TRAF3: variants seen among roughly 807,000 people sequenced by gnomAD.
TRAF3 encodes the protein TNF receptor-associated factor 3.
Under a neutral mutation model 62.3 loss-of-function variants are expected in TRAF3, and 13 were observed. The ratio of observed to expected loss-of-function variants is 0.21; its 90% CI spans 0.14 to 0.33. The LOEUF (loss-of-function observed/expected upper bound fraction) is 0.33, where lower values mean the gene tolerates loss of function less well. TRAF3 is among the 10% of genes least tolerant of loss of function. The pLI is 1.00. For missense variants in TRAF3, 440 were observed against 741.8 expected (o/e 0.59, Z 4.73); for synonymous variants, 269 against 283.4 (o/e 0.95, Z 0.51).
intron 2 of TRAF3, among the ~76,000 whole-genome samples, chr14:102,861,867 G>A (rs563211851): frequency 1.4e-4 from 21 of 152,310 alleles, no homozygotes; most frequent in Admixed American, 9.8e-4. Context: ...CGTTTATACA[G>A]ATCCTTTGCT....
At chr14:102,894,954 A>C (rs1335690915) in intron 9 of TRAF3, 5 of 365,612 alleles carry the variant, frequency 1.4e-5, no homozygotes, top group African/African-American at 6.4e-5. Flanking sequence ...CGTCTGCCTC[A>C]GCCTTCCAAA....
chr14:102,889,230 T>C (rs1566799989), intron 7 of TRAF3, among the ~76,000 whole-genome samples: 2 of 152,278 alleles, frequency 1.3e-5, no homozygotes, highest in Admixed American at 1.3e-4. Context: ...TTATGGTCTT[T>C]AAATGTGCAT....
intron 2 of TRAF3, among the ~76,000 whole-genome samples, chr14:102,842,540 G>A (rs906789360): frequency 2.0e-5 from 3 of 152,028 alleles, no homozygotes; most frequent in African/African-American, 7.2e-5. Context: ...GTTCCAGAAG[G>A]AGAAGAGGAG....
At chr14:102,862,063 A>C (rs1030422517) in intron 2 of TRAF3, among the ~76,000 whole-genome samples, 2 of 152,162 alleles carry the variant, frequency 1.3e-5, no homozygotes, top group African/African-American at 4.8e-5. Flanking sequence ...AATGAAGTTC[A>C]GTTTATCTAG....
At chr14:102,803,790 TTC>T (rs1363704877) in intron 1 of TRAF3, among the ~76,000 whole-genome samples, 1 of 152,166 alleles carries the variant, frequency 6.6e-6, no homozygotes, top group African/African-American at 2.4e-5. Flanking sequence ...GGTTTCTGAT[TTC>T]TCTCAGCCCA....
intron 6 of TRAF3, among the ~76,000 whole-genome samples, chr14:102,884,718 A>G (rs1257233537): frequency 6.6e-6 from 1 of 152,022 alleles, no homozygotes; most frequent in Non-Finnish European, 1.5e-5. Context: ...AGGCTGAGGC[A>G]GGAGAATTGC....
chr14:102,870,110 T>G (rs931221081), intron 2 of TRAF3, 75 bp from the exon 3 acceptor site: 5 of 1,604,722 alleles, frequency 3.1e-6, no homozygotes, highest in Non-Finnish European at 4.3e-6. Flanking sequence ...TCTCAGGCAC[T>G]TTTGCTTTCC....
At chr14:102,876,676 A>G (rs776988895) in intron 6 of TRAF3, 151 bp downstream of exon 6, 53 of 1,078,446 alleles carry the variant, frequency 4.9e-5, no homozygotes, top group Non-Finnish European at 7.0e-5. Flanking sequence ...CAGTTCATAG[A>G]TATTCCGTTC....
At chr14:102,862,877 C>G (rs1176258003) in intron 2 of TRAF3, among the ~76,000 whole-genome samples, 1 of 152,084 alleles carries the variant, frequency 6.6e-6, no homozygotes, top group Non-Finnish European at 1.5e-5. Flanking sequence ...CTGTTTATTT[C>G]TGCTGTTGAG....
At chr14:102,792,744 G>A (rs980272915) in intron 1 of TRAF3, among the ~76,000 whole-genome samples, 2 of 152,030 alleles carry the variant, frequency 1.3e-5, no homozygotes. Flanking sequence ...CTTTGTCATG[G>A]TATATAATCC....
chr14:102,784,873 G>A (rs911289409), intron 1 of TRAF3, among the ~76,000 whole-genome samples: 5 of 152,122 alleles, frequency 3.3e-5, no homozygotes, highest in Admixed American at 6.5e-5. Context: ...GCAGGGAGTC[G>A]CCTGGCAGAG....
intron 2 of TRAF3, among the ~76,000 whole-genome samples, chr14:102,843,132 G>A (rs562084678): frequency 1.4e-3 from 205 of 151,664 alleles, no homozygotes; most frequent in African/African-American, 4.7e-3. Context: ...GAACCCGGGA[G>A]GCAGAGGTTG....
intron 1 of TRAF3, among the ~76,000 whole-genome samples, chr14:102,780,858 G>A (rs1436548753): frequency 1.3e-5 from 2 of 152,174 alleles, no homozygotes; most frequent in East Asian, 1.9e-4. Flanking sequence ...CACAGTGAAG[G>A]GACATGCCAG....
chr14:102,808,061 G>T (rs560284663), intron 1 of TRAF3, among the ~76,000 whole-genome samples: 1 of 152,296 alleles, frequency 6.6e-6, no homozygotes, highest in East Asian at 1.9e-4. Context: ...GGAATGCATG[G>T]TCCAGGTGTT....
intron 1 of TRAF3, among the ~76,000 whole-genome samples, chr14:102,820,129 T>C (rs1363490097): frequency 6.6e-6 from 1 of 152,148 alleles, no homozygotes; most frequent in Non-Finnish European, 1.5e-5. Flanking sequence ...CCCCTTTCCT[T>C]TGCGAGCGTC....
intron 10 of TRAF3, among the ~76,000 whole-genome samples, chr14:102,900,295 G>A (rs1422705381): frequency 6.6e-6 from 1 of 151,444 alleles, no homozygotes; most frequent in Non-Finnish European, 1.5e-5. Context: ...GAGGTCAGGA[G>A]TTCAAGACCA....
At chr14:102,898,821 C>G (rs929968132) in intron 10 of TRAF3, among the ~76,000 whole-genome samples, 1 of 152,172 alleles carries the variant, frequency 6.6e-6, no homozygotes. Context: ...TATGTGATTT[C>G]TACTTGAAAA....
chr14:102,887,846 C>T (rs1328413226), intron 7 of TRAF3, among the ~76,000 whole-genome samples: 1 of 152,132 alleles, frequency 6.6e-6, no homozygotes, highest in Non-Finnish European at 1.5e-5. Context: ...TTGCCCGCCT[C>T]GGCCTCCTAA....
At chr14:102,818,933 T>C (rs1899718090) in intron 1 of TRAF3, among the ~76,000 whole-genome samples, 1 of 151,970 alleles carries the variant, frequency 6.6e-6, no homozygotes, top group Admixed American at 6.6e-5. Context: ...ATCTTATAAA[T>C]AAATACAATT....
Sources: allele counts gnomAD v4.1 joint callset (sites outside exome capture counted in the v4.1 genomes callset), GRCh38; gene constraint gnomAD v4.1.1; transcripts MANE v1.5; gene names NCBI Gene and HGNC (gene_info 2026-07-23, HGNC 2026-07-21).